Variants in SORCS1 observed in about 807,000 individuals in gnomAD.
The protein encoded by SORCS1 is sortilin related VPS10 domain containing receptor 1, also known as VPS10 domain-containing receptor SorCS1.
In SORCS1, 60 loss-of-function variants were observed where a neutral mutation model predicts 146.1. The observed-to-expected ratio is 0.41, with a 90% confidence interval of 0.33 to 0.51. The LOEUF (loss-of-function observed/expected upper bound fraction) is 0.51, where lower values mean the gene tolerates loss of function less well. Ranked by LOEUF, SORCS1 falls within the 20% of genes least tolerant of loss-of-function variation. SORCS1 has a pLI of 0.21. For synonymous variants in SORCS1, 637 were observed against 584.0 expected (o/e 1.09, Z -1.31); for missense variants, 1,352 against 1,487.6 (o/e 0.91, Z 1.50).
chr10:106,982,019 G>A (rs1436049450), intron 1 of SORCS1, among the ~76,000 whole-genome samples: 2 of 152,116 alleles, frequency 1.3e-5, no homozygotes, highest in Non-Finnish European at 1.5e-5. Flanking sequence ...CAAGTTCCAG[G>A]TCACCAAGAA....
At chr10:106,604,810 T>C (rs1276610446) in intron 23 of SORCS1, among the ~76,000 whole-genome samples, 1 of 152,208 alleles carries the variant, frequency 6.6e-6, no homozygotes, top group Admixed American at 6.5e-5. Context: ...CATCTCTTCT[T>C]ACCATATAAT....
intron 1 of SORCS1, among the ~76,000 whole-genome samples, chr10:106,979,003 C>T (rs938483943): frequency 2.6e-5 from 4 of 152,072 alleles, no homozygotes; most frequent in African/African-American, 9.7e-5. Context: ...TTTGCCAACT[C>T]CTGGTCTAGA....
At chr10:106,966,385 G>A (rs1350448688) in intron 1 of SORCS1, among the ~76,000 whole-genome samples, 2 of 152,056 alleles carry the variant, frequency 1.3e-5, no homozygotes, top group African/African-American at 2.4e-5. Flanking sequence ...ACTAATTTGG[G>A]GTACAAGAAA....
the SORCS1 span, among the ~76,000 whole-genome samples, chr10:107,171,476 T>C: frequency 6.7e-6 from 1 of 148,382 alleles, no homozygotes; most frequent in Non-Finnish European, 1.5e-5. Flanking sequence ...CTTTGCAGCT[T>C]GAGAAATTAA....
At chr10:106,620,298 G>T in intron 20 of SORCS1, 130 bp downstream of exon 20, 1 of 1,168,956 alleles carries the variant, frequency 8.6e-7, no homozygotes, top group Non-Finnish European at 1.2e-6. Flanking sequence ...AGCACCAAGG[G>T]AGCTTGTTGT....
At chr10:106,620,634 G>T in intron 19 of SORCS1, 73 bp from the exon 20 acceptor site, 1 of 1,514,558 alleles carries the variant, frequency 6.6e-7, no homozygotes. Context: ...GCTCTGAAGA[G>T]ATCACACATT....
chr10:106,820,569 T>G (rs1008124220), intron 3 of SORCS1, among the ~76,000 whole-genome samples: 1 of 152,142 alleles, frequency 6.6e-6, no homozygotes, highest in East Asian at 1.9e-4. Flanking sequence ...AGGGGAGAAA[T>G]AGTGGTTTTA....
intron 1 of SORCS1, among the ~76,000 whole-genome samples, chr10:107,028,015 T>C (rs1006442233): frequency 2.0e-5 from 3 of 152,220 alleles, no homozygotes; most frequent in African/African-American, 7.2e-5. Context: ...GTGAATGAGA[T>C]AATGGTTATT....
chr10:106,701,452 T>G (rs916315431), intron 8 of SORCS1, among the ~76,000 whole-genome samples: 1 of 152,212 alleles, frequency 6.6e-6, no homozygotes, highest in Non-Finnish European at 1.5e-5. Context: ...CTGGAATGAC[T>G]GCGGAGTTAT....
At chr10:106,638,147 G>A (rs558059662) in intron 18 of SORCS1, among the ~76,000 whole-genome samples, 4 of 152,280 alleles carry the variant, frequency 2.6e-5, no homozygotes, top group African/African-American at 9.6e-5. Context: ...TGATGTGGCT[G>A]TAGGAATTAC....
intron 6 of SORCS1, among the ~76,000 whole-genome samples, chr10:106,722,629 T>C (rs1405842394): frequency 6.6e-6 from 1 of 152,172 alleles, no homozygotes; most frequent in Non-Finnish European, 1.5e-5. Context: ...TACTTATTCA[T>C]GAAAATAAAC....
chr10:107,047,206 C>T (rs1959582934), intron 1 of SORCS1, among the ~76,000 whole-genome samples: 1 of 152,128 alleles, frequency 6.6e-6, no homozygotes, highest in Admixed American at 6.5e-5. Context: ...CCAGCCTGGT[C>T]TTGAACTCCT....
At chr10:106,865,439 C>G (rs1950192712) in intron 2 of SORCS1, among the ~76,000 whole-genome samples, 1 of 152,152 alleles carries the variant, frequency 6.6e-6, no homozygotes. Context: ...AGTGGCCAAA[C>G]TGGGCCAGGC....
intron 1 of SORCS1, among the ~76,000 whole-genome samples, chr10:107,080,323 G>A (rs1963234015): frequency 6.6e-6 from 1 of 152,116 alleles, no homozygotes; most frequent in Admixed American, 6.6e-5. Context: ...CAGAAATACT[G>A]TCTGCAACCT....
intron 1 of SORCS1, among the ~76,000 whole-genome samples, chr10:107,111,922 T>G (rs1965726284): frequency 6.6e-6 from 1 of 152,150 alleles, no homozygotes; most frequent in South Asian, 2.1e-4. Flanking sequence ...TAAGGTAATA[T>G]ATTCAAAATG....
chr10:106,926,400 C>T (rs10786989), intron 2 of SORCS1, among the ~76,000 whole-genome samples: 79,503 of 151,938 alleles, frequency 0.52, 22,397 homozygotes, highest in Non-Finnish European at 0.63. Context: ...AACTCATCTC[C>T]TTATCTTCCT....
At chr10:106,617,548 A>G (rs1847457484) in intron 21 of SORCS1, among the ~76,000 whole-genome samples, 1 of 152,098 alleles carries the variant, frequency 6.6e-6, no homozygotes, top group Non-Finnish European at 1.5e-5. Context: ...CCATCTTTTC[A>G]TTTCAGTACA....
intron 21 of SORCS1, among the ~76,000 whole-genome samples, chr10:106,614,452 T>C (rs78296740): frequency 6.6e-6 from 1 of 152,312 alleles, no homozygotes; most frequent in East Asian, 1.9e-4. Flanking sequence ...CAAAGAGGTA[T>C]TGTTCAAAGC....
chr10:107,039,350 AG>A (rs1302510441), intron 1 of SORCS1, among the ~76,000 whole-genome samples: 2 of 151,266 alleles, frequency 1.3e-5, no homozygotes, highest in African/African-American at 2.4e-5. Context: ...AAAAAAAAAA[AG>A]GATGACAAAC....
Sources: gnomAD v4.1 joint callset for allele counts (sites outside exome capture counted in the v4.1 genomes callset) on GRCh38, gnomAD v4.1.1 for gene constraint, MANE v1.5 for transcripts, NCBI Gene and HGNC (gene_info 2026-07-23, HGNC 2026-07-21) for gene names.